ADAMTS12: variants seen among roughly 807,000 people sequenced by gnomAD.
ADAMTS12 encodes ADAM metallopeptidase with thrombospondin type 1 motif 12, also known as A disintegrin and metalloproteinase with thrombospondin motifs 12.
A neutral mutation model predicts 167.8 loss-of-function variants in ADAMTS12; 118 were observed. That is an observed-to-expected ratio of 0.70 (90% CI 0.61 to 0.82). ADAMTS12 has a LOEUF of 0.82. ADAMTS12 is among the 40% of genes least tolerant of loss of function. The probability of loss-of-function intolerance (pLI) is 0.00; values close to 1 mark genes in which losing one functional copy is unlikely to be tolerated. For synonymous variants in ADAMTS12, 704 were observed against 716.9 expected (o/e 0.98, Z 0.29); for missense variants, 1,916 against 1,998.8 (o/e 0.96, Z 0.79).
chr5:33,693,237 T>C lies in ADAMTS12; in HGVS notation c.635-9182A>G, dbSNP rs1742618949. 3.9e-5 allele frequency among the ~76,000 whole-genome samples: 6 copies of C among 152,282 alleles called. 1 individual carries two copies. In the South Asian group the frequency reaches 1.2e-3, roughly 32 times the overall value. On this transcript the variant is annotated intron_variant, in intron 3 of 23. Transcript: ENST00000504830. ...CTTGGTGAGTCAGCAATAATCAAGCTCAAAGTCAAGAGTAAAAATTCTCTA... is the reference window on the plus strand; with the variant it reads ...CTTGGTGAGTCAGCAATAATCAAGCCCAAAGTCAAGAGTAAAAATTCTCTA...
intron 3 of ADAMTS12, among the ~76,000 whole-genome samples, chr5:33,719,196 A>G (rs1743718614): frequency 1.3e-5 from 2 of 152,222 alleles, no homozygotes; most frequent in Admixed American, 1.3e-4. Context: ...ATGGAAGAGG[A>G]ATAGATACAG....
chr5:33,647,821 T>C (rs1020839045), intron 9 of ADAMTS12, among the ~76,000 whole-genome samples: 2 of 152,210 alleles, frequency 1.3e-5, no homozygotes, highest in African/African-American at 4.8e-5. Flanking sequence ...GATTTTTGTA[T>C]CAACTTTACC....
rs575565584 is a variant in ADAMTS12, at chr5:33,876,158, T to C, written c.489+4961A>G. ...TGGAAAAAATCAAAGAAGATCTAAA[T>C]AAATCAAGACACATACCATGTTCAT... is the stretch of plus-strand genomic sequence containing the variant. On this transcript the variant is annotated intron_variant, in intron 2 of 23. Transcript: ENST00000504830. Among the ~76,000 whole-genome samples, 19 of 152,224 alleles carry C rather than the reference T, an allele frequency of 1.2e-4. No homozygotes were observed. The East Asian group carries it at 2.1e-3, about 17-fold the overall frequency.
chr5:33,617,593 C>T (rs9790941), intron 14 of ADAMTS12, among the ~76,000 whole-genome samples: 4 of 151,800 alleles, frequency 2.6e-5, no homozygotes, highest in Non-Finnish European at 5.9e-5. Context: ...TGACCACCTC[C>T]GGGAAGATAT....
intron 2 of ADAMTS12, among the ~76,000 whole-genome samples, chr5:33,795,810 GC>G (rs1325659188): frequency 3.3e-5 from 5 of 152,192 alleles, no homozygotes; most frequent in Non-Finnish European, 5.9e-5. Context: ...AGTGCCTGAG[GC>G]CGATTACTTC....
intron 10 of ADAMTS12, 129 bp downstream of exon 10, chr5:33,643,249 G>A: frequency 3.5e-6 from 3 of 853,106 alleles, no homozygotes; most frequent in Non-Finnish European, 5.7e-6. Context: ...CCTCTGGCTG[G>A]TCTGACTGTT....
At chr5:33,828,737 G>A (rs1748187682) in intron 2 of ADAMTS12, among the ~76,000 whole-genome samples, 1 of 152,092 alleles carries the variant, frequency 6.6e-6, no homozygotes, top group Non-Finnish European at 1.5e-5. Flanking sequence ...CCTAGGCAGA[G>A]GTAAGATGAG....
chr5:33,824,681 C>A (rs903622324), intron 2 of ADAMTS12, among the ~76,000 whole-genome samples: 1 of 152,126 alleles, frequency 6.6e-6, no homozygotes, highest in South Asian at 2.1e-4. Flanking sequence ...TTCAGGAGTA[C>A]AAGTGAGGAA....
chr5:33,604,331 G>A (rs569684024), intron 16 of ADAMTS12, among the ~76,000 whole-genome samples: 5 of 152,110 alleles, frequency 3.3e-5, no homozygotes, highest in Middle Eastern at 3.4e-3. Context: ...GCGAAACCCC[G>A]TATCTACTAA....
chr5:33,735,953 A>G (rs1314786395), intron 3 of ADAMTS12, among the ~76,000 whole-genome samples: 1 of 152,218 alleles, frequency 6.6e-6, no homozygotes, highest in Non-Finnish European at 1.5e-5. Flanking sequence ...TAAACACTAA[A>G]CAACATTTAG....
At chr5:33,766,805 T>C (rs1032601283) in intron 2 of ADAMTS12, among the ~76,000 whole-genome samples, 1 of 152,220 alleles carries the variant, frequency 6.6e-6, no homozygotes, top group African/African-American at 2.4e-5. Context: ...GCAATTACTC[T>C]ATCAATCTGG....
chr5:33,544,895 A>C (rs959639203), intron 22 of ADAMTS12, among the ~76,000 whole-genome samples: 1 of 144,388 alleles, frequency 6.9e-6, no homozygotes, highest in Non-Finnish European at 1.5e-5. Context: ...TAGACCTAAA[A>C]CCATAAAAAC....
chr5:33,864,207 C>T (rs1312104944), intron 2 of ADAMTS12, among the ~76,000 whole-genome samples: 4 of 152,178 alleles, frequency 2.6e-5, no homozygotes, highest in Admixed American at 6.6e-5. Context: ...CAAAAGAAGA[C>T]ATTTATGCAG....
intron 2 of ADAMTS12, among the ~76,000 whole-genome samples, chr5:33,871,896 T>C (rs996368187): frequency 1.3e-5 from 2 of 151,748 alleles, no homozygotes; most frequent in African/African-American, 4.8e-5. Flanking sequence ...GTGAGAAATA[T>C]TATAGAATAA....
intron 2 of ADAMTS12, among the ~76,000 whole-genome samples, chr5:33,817,391 C>A (rs893719479): frequency 3.3e-5 from 5 of 152,186 alleles, no homozygotes; most frequent in African/African-American, 1.2e-4. Context: ...TCTCCTCACC[C>A]TCTTCATTCT....
Position 33,696,581 on chromosome 5 carries a change from C to T in ADAMTS12, c.635-12526G>A, listed in dbSNP as rs147541261. Reference sequence around the variant, plus strand: ...CTTGATGGCAGCCTGGTTGGTTTTTCCCTCATCTAATTAGAGATGGAGTTC... The same window carrying T: ...CTTGATGGCAGCCTGGTTGGTTTTTTCCTCATCTAATTAGAGATGGAGTTC... On this transcript the variant is annotated intron_variant, in intron 3 of 23. Transcript: ENST00000504830. Among the ~76,000 whole-genome samples the T allele has an allele frequency of 5.6e-3, 850 of 152,202 alleles. 4 individuals carry two copies. Among genetic ancestry groups the T allele is most frequent in the African/African-American group, 0.02 (814 of 41,510 alleles).
intron 19 of ADAMTS12, among the ~76,000 whole-genome samples, chr5:33,574,236 C>T (rs1321803772): frequency 6.6e-6 from 1 of 151,946 alleles, no homozygotes; most frequent in African/African-American, 2.4e-5. Flanking sequence ...ACCCAGCAAT[C>T]CCATTACTGG....
chr5:33,609,368 CT>C (rs66470839), intron 16 of ADAMTS12, among the ~76,000 whole-genome samples: 70,845 of 141,276 alleles, frequency 0.5, 17,809 homozygotes, highest in East Asian at 0.8. Context: ...AAAAATTTAA[CT>C]TTTTTTTTTT....
intron 19 of ADAMTS12, among the ~76,000 whole-genome samples, chr5:33,566,745 C>T (rs1487144496): frequency 1.3e-5 from 2 of 152,094 alleles, no homozygotes; most frequent in African/African-American, 2.4e-5. Context: ...TTCTTCTGGG[C>T]ACATAATTGG....
Sources: gnomAD v4.1 joint callset for allele counts (sites outside exome capture counted in the v4.1 genomes callset) on GRCh38, gnomAD v4.1.1 for gene constraint, MANE v1.5 for transcripts, NCBI Gene and HGNC (gene_info 2026-07-23, HGNC 2026-07-21) for gene names.